Variants in ANO3 observed in about 807,000 individuals in gnomAD.
ANO3 encodes anoctamin 3, also known as anoctamin-3.
Under a neutral mutation model 144.8 loss-of-function variants are expected in ANO3, and 99 were observed. The ratio of observed to expected loss-of-function variants is 0.68; its 90% CI spans 0.58 to 0.81. The LOEUF is 0.81. Among genes scored for constraint, ANO3 ranks in the 30% least tolerant of loss-of-function variants. The pLI is 0.00. For synonymous variants in ANO3, 414 were observed against 392.6 expected (o/e 1.05, Z -0.64); for missense variants, 905 against 1,202.2 (o/e 0.75, Z 3.66).
At chr11:26,457,272 C>T in intron 3 of ANO3, among the ~76,000 whole-genome samples, 1 of 148,468 alleles carries the variant, frequency 6.7e-6, no homozygotes. Flanking sequence ...GCACATGTAC[C>T]CTAGAACTTA....
chr11:26,477,302 T>C (rs1042948558), intron 4 of ANO3, among the ~76,000 whole-genome samples: 2 of 152,146 alleles, frequency 1.3e-5, no homozygotes, highest in African/African-American at 4.8e-5. Flanking sequence ...TTGACAGGAC[T>C]TCCAGATACC....
chr11:26,501,547 A>C (rs952105192), intron 4 of ANO3, among the ~76,000 whole-genome samples: 3 of 152,002 alleles, frequency 2.0e-5, no homozygotes, highest in Non-Finnish European at 4.4e-5. Context: ...AGCATGGCAA[A>C]ACAACATTTT....
chr11:26,600,133 A>G (rs1376076651), intron 17 of ANO3, among the ~76,000 whole-genome samples: 1 of 152,048 alleles, frequency 6.6e-6, no homozygotes, highest in Non-Finnish European at 1.5e-5. Flanking sequence ...ATTGTTATCT[A>G]CTAGTCTTCA....
At chr11:26,483,033 C>G (rs950444504) in intron 4 of ANO3, among the ~76,000 whole-genome samples, 2 of 151,906 alleles carry the variant, frequency 1.3e-5, no homozygotes, top group Non-Finnish European at 2.9e-5. Context: ...AATAAACATA[C>G]TAGTGCAGGT....
At chr11:26,278,796 T>C (rs1853614799) in intron 1 of ANO3, among the ~76,000 whole-genome samples, 1 of 152,146 alleles carries the variant, frequency 6.6e-6, no homozygotes, top group African/African-American at 2.4e-5. Flanking sequence ...TTAAGCACAT[T>C]ATTTGTATTT....
rs1435716083 is a variant in ANO3, at chr11:26,537,392, T to A, written c.977-14T>A. On this transcript the variant is annotated splice_polypyrimidine_tract_variant and intron_variant, in intron 9 of 26. Coordinates refer to ENST00000256737, the MANE Select transcript of ANO3 (RefSeq NM_031418.4). ...GAAACTAACTCAATAACTGTCCTTT[T>A]CTTCTCTTTGCAGGTATCCGTAAAC... The A allele has an allele frequency of 2.5e-6, 4 of 1,605,306 alleles. No individual in the cohort carries two copies. The highest frequency in any genetic ancestry group is 3.4e-6 in the Non-Finnish European group (4 of 1,171,946).
chr11:26,659,429 C>T (rs1053919466), intron 26 of ANO3, among the ~76,000 whole-genome samples: 3 of 151,822 alleles, frequency 2.0e-5, no homozygotes, highest in Non-Finnish European at 4.4e-5. Context: ...AGCAGTGTCT[C>T]CCACCTGTAA....
chr11:26,642,067 T>G (rs374076375), intron 22 of ANO3, 38 bp downstream of exon 22: 382 of 1,588,770 alleles, frequency 2.4e-4, no homozygotes, highest in Admixed American at 5.7e-4. Flanking sequence ...TTGGCCTTCT[T>G]GATACAATTT....
intron 13 of ANO3, among the ~76,000 whole-genome samples, chr11:26,554,326 C>T (rs1002158065): frequency 6.6e-6 from 1 of 151,920 alleles, no homozygotes; most frequent in Non-Finnish European, 1.5e-5. Flanking sequence ...ATTTCTTTAC[C>T]TATTATCAAA....
chr11:26,651,990 C>T (rs1342305099), intron 24 of ANO3, among the ~76,000 whole-genome samples: 2 of 152,184 alleles, frequency 1.3e-5, no homozygotes, highest in African/African-American at 4.8e-5. Context: ...TCTTTTCCAT[C>T]CTTAACCATC....
intron 1 of ANO3, among the ~76,000 whole-genome samples, chr11:26,415,980 TTTC>T (rs1221362697): frequency 1.3e-5 from 2 of 152,116 alleles, no homozygotes; most frequent in Non-Finnish European, 2.9e-5. Flanking sequence ...TATTCTTAAA[TTTC>T]TTATTGTTTT....
intron 14 of ANO3, among the ~76,000 whole-genome samples, chr11:26,566,663 T>C (rs1850598045): frequency 6.6e-6 from 1 of 151,842 alleles, no homozygotes; most frequent in Non-Finnish European, 1.5e-5. Context: ...TGTGGGAAAA[T>C]AAGCTAGATA....
intron 23 of ANO3, among the ~76,000 whole-genome samples, chr11:26,647,400 T>C (rs776241955): frequency 6.6e-6 from 1 of 152,200 alleles, no homozygotes; most frequent in Non-Finnish European, 1.5e-5. Context: ...CTCAGCAAGT[T>C]CTGTAAATTA....
At position 26,641,996 on chromosome 11, in the gene ANO3, C is replaced by A. The variant is rs1853170438; in HGVS notation, c.2242C>A (p.Leu748Ile). ...TGATTGGAATCTGCAGCCCATGAAC[C>A]TTCATGGACTGATGGATGAGTACTT... ...ENDWNLQPMN[L>I]HGLMDEYLEM... The change falls in exon 22 of 27, where the codon CTT becomes ATT. Residue 748 changes from leucine (L) to isoleucine (I), a missense_variant. By Grantham distance (5) the Leu-to-Ile change is conservative (BLOSUM62 2). Around this residue, in one of 4 missense-constraint regions of ANO3, gnomAD observed 597 missense variants for 865.1 expected, o/e 0.69. Transcript: ENST00000256737. 6.2e-7 allele frequency: 1 copy of A among 1,613,680 alleles called. No homozygotes were observed. Among genetic ancestry groups the A allele is most frequent in the South Asian group, 1.1e-5 (1 of 91,052 alleles).
At chr11:26,438,556 G>T (rs1407752656) in intron 1 of ANO3, among the ~76,000 whole-genome samples, 1 of 136,434 alleles carries the variant, frequency 7.3e-6, no homozygotes, top group Non-Finnish European at 1.5e-5. Flanking sequence ...AGACCAGCCT[G>T]GCCAACATGG....
At chr11:26,230,621 A>G (rs892412422) in intron 1 of ANO3, among the ~76,000 whole-genome samples, 5 of 151,144 alleles carry the variant, frequency 3.3e-5, no homozygotes, top group Non-Finnish European at 7.4e-5. Context: ...ACATGGTGAA[A>G]CCCCGTCTCT....
At chr11:26,496,753 C>A (rs1860960538) in intron 4 of ANO3, among the ~76,000 whole-genome samples, 1 of 151,992 alleles carries the variant, frequency 6.6e-6, no homozygotes, top group South Asian at 2.1e-4. Context: ...TTAGCTCCCA[C>A]TTATAAGTGA....
intron 1 of ANO3, among the ~76,000 whole-genome samples, chr11:26,361,051 C>T (rs918413671): frequency 5.3e-5 from 8 of 152,156 alleles, no homozygotes; most frequent in African/African-American, 1.9e-4. Flanking sequence ...CATGTGACAA[C>T]ATTTTATACT....
At chr11:26,208,018 T>C (rs1851844975) in intron 1 of ANO3, 1 of 152,198 alleles carries the variant, frequency 6.6e-6, no homozygotes, top group African/African-American at 2.4e-5. Flanking sequence ...ATTCAGTGTC[T>C]AATAAGGGCC....
Sources: gnomAD v4.1 joint callset for allele counts (sites outside exome capture counted in the v4.1 genomes callset) on GRCh38, gnomAD v4.1.1 for gene constraint, gnomAD v4.1.1 regional missense constraint, MANE v1.5 for transcripts, NCBI Gene and HGNC (gene_info 2026-07-23, HGNC 2026-07-21) for gene names.